Variants in SNX9 observed in about 807,000 individuals in gnomAD.
The protein encoded by SNX9 is sorting nexin 9.
A neutral mutation model predicts 89.4 loss-of-function variants in SNX9; 44 were observed. That is an observed-to-expected ratio of 0.49 (90% CI 0.39 to 0.63). The LOEUF is 0.63. SNX9 is among the 30% of genes least tolerant of loss of function. The probability of loss-of-function intolerance (pLI) is 0.00; values close to 1 mark genes in which losing one functional copy is unlikely to be tolerated. For synonymous variants in SNX9, 236 were observed against 247.8 expected, an observed-to-expected ratio of 0.95 and a Z score of 0.45; for missense variants, 578 against 736.1, an observed-to-expected ratio of 0.79 and a Z score of 2.49.
chr6:157,932,054 C>T, intron 12 of SNX9, 141 bp from the exon 13 acceptor site: 1 of 666,810 alleles, frequency 1.5e-6, no homozygotes, highest in East Asian at 2.7e-5. Flanking sequence ...AAAACAATCA[C>T]TTTTGCAACA....
At chr6:157,911,637 A>G (rs1783349248) in intron 9 of SNX9, among the ~76,000 whole-genome samples, 1 of 152,206 alleles carries the variant, frequency 6.6e-6, no homozygotes, top group Admixed American at 6.5e-5. Flanking sequence ...CTATTGCTGA[A>G]AAAGGAATTC....
intron 2 of SNX9, chr6:157,872,629 T>C (rs1388108398): frequency 6.6e-6 from 1 of 152,506 alleles, no homozygotes; most frequent in Non-Finnish European, 1.5e-5. Flanking sequence ...CCACATTAAT[T>C]CGTATAGCGA....
Position 157,943,470 on chromosome 6 carries a change from C to G in SNX9, c.*632C>G, listed in dbSNP as rs998568985. On this transcript the variant is annotated 3_prime_UTR_variant, in exon 18 of 18. Transcript: ENST00000392185. ...GTGTGGCAGGTGGGCCATCCCATGT[C>G]CCTCCAGGGGGACCCCACAGCCTGG... The G allele has an allele frequency of 6.6e-6, 1 of 152,346 alleles. No homozygotes were observed. Among genetic ancestry groups the G allele is most frequent in the Non-Finnish European group, 1.5e-5 (1 of 68,162 alleles). The allele number at this position is 152,346 out of a possible 1,614,324, so 9.4% of individuals were successfully genotyped here.
chr6:157,906,404 A>C (rs1339046039), intron 7 of SNX9, among the ~76,000 whole-genome samples, 192 bp downstream of exon 7: 1 of 152,164 alleles, frequency 6.6e-6, no homozygotes, highest in Non-Finnish European at 1.5e-5. Context: ...CTGTCATTAT[A>C]TTGTTTATTC....
chr6:157,852,880 T>C (rs1010687071), intron 1 of SNX9, among the ~76,000 whole-genome samples: 3 of 152,160 alleles, frequency 2.0e-5, no homozygotes, highest in African/African-American at 7.2e-5. Context: ...GCCTTTGTAT[T>C]TTTGTCATAC....
intron 4 of SNX9, among the ~76,000 whole-genome samples, chr6:157,893,422 A>T (rs2115160727): frequency 6.6e-6 from 1 of 152,328 alleles, no homozygotes; most frequent in Admixed American, 6.5e-5. Context: ...TGCACATCAA[A>T]AGCATGTAGT....
At chr6:157,837,800 G>A (rs1480789251) in intron 1 of SNX9, among the ~76,000 whole-genome samples, 1 of 152,206 alleles carries the variant, frequency 6.6e-6, no homozygotes, top group Non-Finnish European at 1.5e-5. Context: ...ATAAGAGAAG[G>A]GCAGCAGATC....
In SNX9 at chr6:157,943,014, A is replaced by T. The variant is rs1001084217; in HGVS notation, c.*176A>T. On this transcript the variant is annotated 3_prime_UTR_variant, in exon 18 of 18. Transcript: ENST00000392185. ...CCCTAAATGCGTCAGTTATTTAGGG[A>T]TGGTCTTTTGTTCATTTCCGCATCC... The T allele has an allele frequency of 1.8e-6, 1 of 549,342 alleles. No individual in the cohort carries two copies. Among genetic ancestry groups the T allele is most frequent in the Non-Finnish European group, 3.1e-6 (1 of 321,712 alleles). 34.0% of individuals were successfully genotyped at this position (549,342 alleles called of 1,614,324 possible). A position where few individuals can be genotyped will look rare whatever the true frequency, so the allele number is the denominator to read the frequency against.
chr6:157,928,794 G>C lies in SNX9; in HGVS notation c.1288+92G>C, dbSNP rs898261937. ...ATCATAGAGGGGAACCTGCTGCCTC[G>C]AACAGAAGTGTATTTGGTGGACGGC... On this transcript the variant is annotated intron_variant, in intron 12 of 17. Coordinates refer to ENST00000392185, the MANE Select transcript of SNX9 (RefSeq NM_016224.5). 3 of 944,676 alleles carry C rather than the reference G, an allele frequency of 3.2e-6. No homozygotes were observed. The African/African-American group carries it at 5.2e-5, about 16-fold the overall frequency. 58.5% of individuals were successfully genotyped at this position (944,676 alleles called of 1,614,324 possible).
At chr6:157,834,148 T>TG (rs145474630) in intron 1 of SNX9, among the ~76,000 whole-genome samples, 8 of 94,734 alleles carry the variant, frequency 8.4e-5, no homozygotes, top group African/African-American at 2.3e-4. Context: ...GTGTCCACTG[T>TG]GGTTTTTTTT....
At chr6:157,912,988 A>G (rs558321441) in intron 9 of SNX9, among the ~76,000 whole-genome samples, 9 of 152,344 alleles carry the variant, frequency 5.9e-5, no homozygotes, top group African/African-American at 1.7e-4. Context: ...AATTTTCACA[A>G]GAATAATTTT....
intron 9 of SNX9, among the ~76,000 whole-genome samples, chr6:157,912,732 CATTT>C (rs2115182496): frequency 6.6e-6 from 1 of 152,238 alleles, no homozygotes; most frequent in Non-Finnish European, 1.5e-5. Flanking sequence ...GTACAGTTAA[CATTT>C]CTTTATTTGT....
At chr6:157,876,317 T>C (rs548236860) in intron 4 of SNX9, among the ~76,000 whole-genome samples, 1 of 152,102 alleles carries the variant, frequency 6.6e-6, no homozygotes, top group African/African-American at 2.4e-5. Flanking sequence ...CTAGGTGTGG[T>C]GGCAGGCACC....
intron 1 of SNX9, among the ~76,000 whole-genome samples, chr6:157,834,887 A>G (rs1781554012): frequency 1.3e-5 from 2 of 152,222 alleles, no homozygotes; most frequent in South Asian, 4.1e-4. Flanking sequence ...ATGTCCTTGC[A>G]ACCCCTAAAA....
chr6:157,944,686 TC>T lies in SNX9; in HGVS notation c.*1850del, dbSNP rs1784107524. 1 of 152,144 alleles carries T rather than the reference TC, an allele frequency of 6.6e-6. No homozygotes were observed. Among genetic ancestry groups the T allele is most frequent in the African/African-American group, 2.4e-5 (1 of 41,430 alleles). The allele number at this position is 152,144 out of a possible 1,614,324, so 9.4% of individuals were successfully genotyped here. ...TCAGTTCCGTAGGTCAGTGTTGCGGTCCGGGAAGCGTATCATAACCACCTGG... is the reference window on the plus strand; with the variant it reads ...TCAGTTCCGTAGGTCAGTGTTGCGGTCGGGAAGCGTATCATAACCACCTGG... On this transcript the variant is annotated 3_prime_UTR_variant, in exon 18 of 18. Coordinates refer to ENST00000392185, the MANE Select transcript of SNX9 (RefSeq NM_016224.5).
Position 157,873,085 on chromosome 6 carries a change from T to G in SNX9, c.100-17T>G. ...TGTAATCTTTTTCTTTTTTTTTTTT[T>G]TTTGGTGACTTATTAGGATGTAGGT... On this transcript the variant is annotated splice_polypyrimidine_tract_variant and intron_variant, in intron 2 of 17. Transcript: ENST00000392185. 6.5e-7 allele frequency: 1 copy of G among 1,539,970 alleles called. No individual in the cohort carries two copies. Among genetic ancestry groups the G allele is most frequent in the Non-Finnish European group, 8.7e-7 (1 of 1,152,624 alleles).
At chr6:157,919,804 T>G (rs1164194135) in intron 9 of SNX9, among the ~76,000 whole-genome samples, 1 of 152,214 alleles carries the variant, frequency 6.6e-6, no homozygotes, top group Non-Finnish European at 1.5e-5. Flanking sequence ...AATTTTTTGT[T>G]GAAAACTGGA....
At chr6:157,899,053 G>C (rs545774286) in intron 5 of SNX9, among the ~76,000 whole-genome samples, 1 of 151,116 alleles carries the variant, frequency 6.6e-6, no homozygotes, top group Admixed American at 6.6e-5. Flanking sequence ...TTAGAGTAGG[G>C]GAGGAAGGAG....
chr6:157,834,174 T>TG (rs1781533638), intron 1 of SNX9, among the ~76,000 whole-genome samples: 1 of 121,166 alleles, frequency 8.3e-6, no homozygotes, highest in Non-Finnish European at 1.7e-5. Flanking sequence ...TTTTTTTTTT[T>TG]TTTTTTTTTT....
Sources: allele counts gnomAD v4.1 joint callset (sites outside exome capture counted in the v4.1 genomes callset), GRCh38; gene constraint gnomAD v4.1.1; transcripts MANE v1.5; gene names NCBI Gene and HGNC (gene_info 2026-07-23, HGNC 2026-07-21).